The following CA4 variants were observed in gnomAD, a reference collection of about 807,000 sequenced individuals.
CA4 encodes CA-IV.
Under a neutral mutation model 34.5 loss-of-function variants are expected in CA4, and 24 were observed. That is an observed-to-expected ratio of 0.70 (90% CI 0.50 to 0.98). CA4 has a LOEUF of 0.98. Among genes scored for constraint, CA4 ranks in the 50% least tolerant of loss-of-function variants. CA4 has a pLI of 0.00. For synonymous variants in CA4, 178 were observed against 170.6 expected, an observed-to-expected ratio of 1.04 and a Z score of -0.34; for missense variants, 394 against 396.7, an observed-to-expected ratio of 0.99 and a Z score of 0.06.
intron 2 of CA4, among the ~76,000 whole-genome samples, 156 bp downstream of exon 2, chr17:60,155,523 A>ACACT (rs1470282977): frequency 0.022 from 3,284 of 146,190 alleles, 119 homozygotes; most frequent in African/African-American, 0.075. Flanking sequence ...ACACACACAC[A>ACACT]CTCTCTCTCT....
At chr17:60,156,531 C>A in intron 2 of CA4, 29 bp from the exon 3 acceptor site, 1 of 1,613,638 alleles carries the variant, frequency 6.2e-7, no homozygotes, top group Non-Finnish European at 8.5e-7. Flanking sequence ...AGGCACCCGA[C>A]TCTCAGCCCA....
rs564813136 is a variant in CA4 at position 60,159,436 on chromosome 17, T to G, written c.*12T>G. 29 of 1,609,670 alleles carry G rather than the reference T, an allele frequency of 1.8e-5. No individual in the cohort carries two copies. In the South Asian group the frequency reaches 3.0e-4, roughly 17 times the overall value. On this transcript the variant is annotated 3_prime_UTR_variant, in exon 8 of 8. Coordinates refer to ENST00000300900, the MANE Select transcript of CA4 (RefSeq NM_000717.5). ...GCTTCCTGCGATGATGGCTCACTTC[T>G]GCACGCAGCCTCTCTGTTGCCTCAG...
chr17:60,162,741 G>A (rs960557182), downstream of CA4, among the ~76,000 whole-genome samples: 2 of 152,172 alleles, frequency 1.3e-5, no homozygotes, highest in Non-Finnish European at 2.9e-5. Context: ...CCAGGTGGGG[G>A]CCGTGCTGCA....
intron 3 of CA4, 79 bp downstream of exon 3, chr17:60,156,794 G>C: frequency 7.5e-7 from 1 of 1,336,490 alleles, no homozygotes; most frequent in African/African-American, 1.4e-5. Flanking sequence ...CCTCCCAGGA[G>C]GGTGTGCCAG....
At chr17:60,162,824 A>T (rs2083808023), downstream of CA4, among the ~76,000 whole-genome samples, 1 of 152,084 alleles carries the variant, frequency 6.6e-6, no homozygotes, top group African/African-American at 2.4e-5. Flanking sequence ...GGGACGGGGC[A>T]CTTGTCAGAA....
the CA4 span, among the ~76,000 whole-genome samples, chr17:60,178,276 T>C: frequency 4.6e-5 from 7 of 152,350 alleles, no homozygotes; most frequent in African/African-American, 1.7e-4. Context: ...GTTCTCTCTT[T>C]TTTAAAGTGC....
intron 7 of CA4, chr17:60,158,963 G>C (rs2083746635): frequency 1.8e-6 from 1 of 544,916 alleles, no homozygotes; most frequent in African/African-American, 1.9e-5. Context: ...CAGTCCTGTA[G>C]TAAGAGTGAC....
downstream of CA4, chr17:60,159,585 C>T: frequency 2.5e-6 from 2 of 791,556 alleles, no homozygotes; most frequent in Admixed American, 2.1e-5. Context: ...ACAACTACCC[C>T]ACCCTGTCCC....
At chr17:60,162,731 C>CCA (rs2083806704), downstream of CA4, among the ~76,000 whole-genome samples, 1 of 152,154 alleles carries the variant, frequency 6.6e-6, no homozygotes, top group African/African-American at 2.4e-5. Flanking sequence ...CCATCGTGTT[C>CCA]CAGGTGGGGG....
At chr17:60,165,526 C>T (rs895068194) in intron 5 of CA4, among the ~76,000 whole-genome samples, 3 of 152,210 alleles carry the variant, frequency 2.0e-5, no homozygotes, top group South Asian at 4.1e-4. Flanking sequence ...GCTCCTCCTG[C>T]TTTCTCACTG....
chr17:60,158,010 C>T (rs2145276702), intron 5 of CA4, 51 bp from the exon 6 acceptor site: 1 of 1,605,048 alleles, frequency 6.2e-7, no homozygotes, highest in Non-Finnish European at 8.5e-7. Flanking sequence ...GAACTGGCCA[C>T]CACCACTGGC....
At chr17:60,178,377 G>C in the CA4 span, among the ~76,000 whole-genome samples, 3 of 152,222 alleles carry the variant, frequency 2.0e-5, no homozygotes, top group Non-Finnish European at 4.4e-5. Context: ...GTTGCAACAG[G>C]TGCATGTGAA....
chr17:60,166,306 C>T (rs889260479), intron 5 of CA4, among the ~76,000 whole-genome samples: 4 of 152,124 alleles, frequency 2.6e-5, no homozygotes, highest in Non-Finnish European at 4.4e-5. Flanking sequence ...CACGGGGTTT[C>T]GCCATTTAGC....
chr17:60,161,523 C>T (rs1452138524), downstream of CA4, among the ~76,000 whole-genome samples: 1 of 151,974 alleles, frequency 6.6e-6, no homozygotes, highest in East Asian at 1.9e-4. Flanking sequence ...TGAGGGATTC[C>T]ATCACCTGGT....
intron 5 of CA4, among the ~76,000 whole-genome samples, chr17:60,168,614 C>T: frequency 6.6e-6 from 1 of 151,496 alleles, no homozygotes; most frequent in African/African-American, 2.4e-5. Context: ...ATACGAACAG[C>T]TCTGCTTTGG....
intron 1 of CA4, 83 bp downstream of exon 1, chr17:60,150,175 C>G: frequency 2.5e-6 from 3 of 1,187,872 alleles, no homozygotes; most frequent in Non-Finnish European, 2.4e-6. Context: ...AGGATCCCCC[C>G]GCGGGCGACC....
intron 2 of CA4, 128 bp downstream of exon 2, chr17:60,155,495 G>GCAGACACACACACACACA: frequency 1.6e-6 from 1 of 636,732 alleles, no homozygotes; most frequent in African/African-American, 3.5e-5. Flanking sequence ...TCAGTTCCCA[G>GCAGACACACACACACACA]CATACACACA....
At chr17:60,172,006 G>A (rs993338448), downstream of CA4, among the ~76,000 whole-genome samples, 2 of 152,082 alleles carry the variant, frequency 1.3e-5, no homozygotes, top group Non-Finnish European at 2.9e-5. Flanking sequence ...CTGGGGCTGC[G>A]GCAGCCTCTG....
rs2083729450 is a variant in CA4 at position 60,158,234 on chromosome 17, G to A, written c.581-49G>A. 5 of 1,609,794 alleles carry A rather than the reference G, an allele frequency of 3.1e-6. No individual in the cohort carries two copies. In the African/African-American group the frequency reaches 4.0e-5, roughly 13 times the overall value. Reference sequence around the variant, plus strand: ...GGGCTCTCAGAGTGCAGGGGAAGAGGGGCTCCTTCTCCCACCCTCACTGAC... The same window carrying A: ...GGGCTCTCAGAGTGCAGGGGAAGAGAGGCTCCTTCTCCCACCCTCACTGAC... On this transcript the variant is annotated intron_variant, in intron 6 of 7. Coordinates refer to ENST00000300900, the MANE Select transcript of CA4 (RefSeq NM_000717.5).
Sources: gnomAD v4.1 joint callset for allele counts (sites outside exome capture counted in the v4.1 genomes callset) on GRCh38, gnomAD v4.1.1 for gene constraint, MANE v1.5 for transcripts, NCBI Gene and HGNC (gene_info 2026-07-23, HGNC 2026-07-21) for gene names.